Variants in HYCC2 observed in about 807,000 individuals in gnomAD.
The protein encoded by HYCC2 is hyccin PI4KA lipid kinase complex subunit 2.
At chr2:201,011,227 T>A in the HYCC2 span, among the ~76,000 whole-genome samples, 1 of 152,140 alleles carries the variant, frequency 6.6e-6, no homozygotes. Flanking sequence ...TTTCATTATT[T>A]TCTACCTCTC....
At chr2:201,069,047 T>G in the HYCC2 span, among the ~76,000 whole-genome samples, 1 of 152,230 alleles carries the variant, frequency 6.6e-6, no homozygotes. Flanking sequence ...AGTACTGGTA[T>G]GATAACTAGT....
At chr2:201,057,974 G>T in the HYCC2 span, among the ~76,000 whole-genome samples, 1 of 152,102 alleles carries the variant, frequency 6.6e-6, no homozygotes, top group African/African-American at 2.4e-5. Flanking sequence ...AGCAAGAATA[G>T]AAATTATACC....
chr2:201,040,171 CAAA>C, the HYCC2 span, among the ~76,000 whole-genome samples: 5 of 75,430 alleles, frequency 6.6e-5, no homozygotes, highest in Admixed American at 1.5e-4. Context: ...GACTCTGTCT[CAAA>C]AAAAAAAAAA....
the HYCC2 span, chr2:201,062,965 T>C: frequency 1.7e-6 from 2 of 1,184,476 alleles, no homozygotes; most frequent in Admixed American, 3.8e-5. Flanking sequence ...CTGCTGCTGC[T>C]GCTATTACTA....
chr2:200,981,997 A>G, the HYCC2 span: 10 of 922,006 alleles, frequency 1.1e-5, no homozygotes, highest in East Asian at 2.3e-4. The surrounding 1 kb of genome is among the most constrained non-coding windows in gnomAD (Gnocchi z 4.5). Flanking sequence ...TACTATCAAC[A>G]CTTCCCCTAA....
At chr2:201,063,710 G>A in the HYCC2 span, 108 of 1,578,748 alleles carry the variant, frequency 6.8e-5, no homozygotes, top group East Asian at 2.3e-3. Flanking sequence ...TGGTCGTGGA[G>A]GTGGTTTCAG....
the HYCC2 span, among the ~76,000 whole-genome samples, chr2:200,998,331 T>C: frequency 6.6e-6 from 1 of 152,228 alleles, no homozygotes; most frequent in Non-Finnish European, 1.5e-5. Context: ...TAATAGAATA[T>C]GCTTTTTTAC....
the HYCC2 span, among the ~76,000 whole-genome samples, chr2:201,038,618 T>G: frequency 2.3e-3 from 344 of 152,148 alleles, 3 homozygotes; most frequent in African/African-American, 8.0e-3. Flanking sequence ...CTGGAAACCA[T>G]CATTCTCAGC....
At chr2:201,030,463 G>A in the HYCC2 span, among the ~76,000 whole-genome samples, 1 of 151,686 alleles carries the variant, frequency 6.6e-6, no homozygotes, top group Admixed American at 6.6e-5. Context: ...TTTATAACAT[G>A]TATGTAGGTA....
chr2:200,999,572 T>G, the HYCC2 span, among the ~76,000 whole-genome samples: 2 of 151,538 alleles, frequency 1.3e-5, no homozygotes, highest in Non-Finnish European at 2.9e-5. Context: ...GTATTTTTAG[T>G]AGCGACAGGG....
chr2:201,036,096 C>T, the HYCC2 span, among the ~76,000 whole-genome samples: 1 of 152,156 alleles, frequency 6.6e-6, no homozygotes, highest in African/African-American at 2.4e-5. Flanking sequence ...AAACTACCAT[C>T]AGAGAATATT....
the HYCC2 span, among the ~76,000 whole-genome samples, chr2:201,036,942 G>C: frequency 6.6e-6 from 1 of 152,198 alleles, no homozygotes; most frequent in Non-Finnish European, 1.5e-5. Flanking sequence ...ACTAGGAAAA[G>C]AGGAAGTCAA....
At chr2:200,995,889 C>G in the HYCC2 span, among the ~76,000 whole-genome samples, 1 of 152,158 alleles carries the variant, frequency 6.6e-6, no homozygotes, top group South Asian at 2.1e-4. Context: ...CAACATTTAA[C>G]CTTTTTGGGG....
At chr2:201,032,981 A>C in the HYCC2 span, among the ~76,000 whole-genome samples, 1 of 152,112 alleles carries the variant, frequency 6.6e-6, no homozygotes, top group Non-Finnish European at 1.5e-5. Context: ...TTTTAGGAGA[A>C]ATGTATAAAC....
At chr2:201,019,047 G>A in the HYCC2 span, among the ~76,000 whole-genome samples, 5 of 152,138 alleles carry the variant, frequency 3.3e-5, no homozygotes, top group African/African-American at 1.2e-4. Flanking sequence ...TAATGAACAA[G>A]TAATAAACTT....
At chr2:200,999,177 G>C in the HYCC2 span, among the ~76,000 whole-genome samples, 1 of 152,126 alleles carries the variant, frequency 6.6e-6, no homozygotes, top group Non-Finnish European at 1.5e-5. Flanking sequence ...ACTCTAAGAA[G>C]AAAGACTTAA....
At chr2:201,034,748 T>C in the HYCC2 span, among the ~76,000 whole-genome samples, 12 of 152,338 alleles carry the variant, frequency 7.9e-5, no homozygotes, top group Admixed American at 3.3e-4. Flanking sequence ...CTGGTACCGG[T>C]TGTTCCTTTC....
the HYCC2 span, among the ~76,000 whole-genome samples, chr2:200,988,979 T>C: frequency 1.3e-5 from 2 of 152,344 alleles, 1 homozygote; most frequent in Middle Eastern, 6.8e-3. Context: ...GACAAGCCCA[T>C]GTGGAATTAA....
chr2:201,029,850 A>G, the HYCC2 span, among the ~76,000 whole-genome samples: 2 of 152,206 alleles, frequency 1.3e-5, no homozygotes, highest in Non-Finnish European at 2.9e-5. Context: ...TAATGGGTGC[A>G]GCAAACCAAC....
Sources: gnomAD v4.1 joint callset for allele counts (sites outside exome capture counted in the v4.1 genomes callset) on GRCh38, gnomAD v4.1.1 for gene constraint, Gnocchi (gnomAD v3.1) non-coding constraint, MANE v1.5 for transcripts, NCBI Gene and HGNC (gene_info 2026-07-23, HGNC 2026-07-21) for gene names.